The following CFAP77 variants were observed in gnomAD, a reference collection of about 807,000 sequenced individuals.
CFAP77 encodes the protein cilia- and flagella-associated protein 77.
In CFAP77, 25 loss-of-function variants were observed where a neutral mutation model predicts 31.1. That is an observed-to-expected ratio of 0.80 (90% confidence interval 0.59 to 1.12). The LOEUF (loss-of-function observed/expected upper bound fraction) is 1.12, where lower values mean the gene tolerates loss of function less well. Among genes scored for constraint, CFAP77 ranks in the 50% most tolerant of loss-of-function variants. The probability of loss-of-function intolerance (pLI) is 0.00; values close to 1 mark genes in which losing one functional copy is unlikely to be tolerated. For missense variants in CFAP77, 377 were observed against 397.3 expected (o/e 0.95, Z 0.44); for synonymous variants, 151 against 159.9 (o/e 0.94, Z 0.42).
At chr9:132,537,472 T>G (rs1472535445) in intron 3 of CFAP77, 129 bp from the exon 4 acceptor site, 1 of 643,660 alleles carries the variant, frequency 1.6e-6, no homozygotes, top group Non-Finnish European at 2.7e-6. Context: ...GAGAGAGGCT[T>G]TCACAGAGGT....
chr9:132,514,748 T>C (rs1852116351), intron 3 of CFAP77, among the ~76,000 whole-genome samples: 1 of 152,182 alleles, frequency 6.6e-6, no homozygotes, highest in African/African-American at 2.4e-5. Flanking sequence ...TTATGTTGGA[T>C]CCACAAACAA....
chr9:132,502,180 T>A (rs1291078423), intron 3 of CFAP77, among the ~76,000 whole-genome samples: 1 of 150,624 alleles, frequency 6.6e-6, no homozygotes, highest in East Asian at 2.0e-4. Flanking sequence ...TGACATTCCA[T>A]CCCTAGCTTA....
chr9:132,417,118 CTTT>C (rs142153092), intron 1 of CFAP77, among the ~76,000 whole-genome samples: 3 of 139,220 alleles, frequency 2.2e-5, no homozygotes. Context: ...TTCTTTTTTT[CTTT>C]TTTTTTTTTT....
At chr9:132,483,258 C>T (rs2118910846) in intron 1 of CFAP77, among the ~76,000 whole-genome samples, 1 of 151,924 alleles carries the variant, frequency 6.6e-6, no homozygotes, top group Non-Finnish European at 1.5e-5. Flanking sequence ...GCAACAAGAG[C>T]AAAACTCTGT....
chr9:132,462,846 C>T (rs1215499273), intron 1 of CFAP77, among the ~76,000 whole-genome samples: 5 of 152,152 alleles, frequency 3.3e-5, no homozygotes, highest in Admixed American at 2.0e-4. Flanking sequence ...ATAAAGAACA[C>T]GTTTGTATAT....
intron 1 of CFAP77, among the ~76,000 whole-genome samples, chr9:132,450,671 C>T (rs1373534402): frequency 6.6e-6 from 1 of 152,210 alleles, no homozygotes; most frequent in African/African-American, 2.4e-5. Context: ...CGGCACCACA[C>T]TGCCCACCAG....
rs113226727 is a variant in CFAP77, at chr9:132,554,939, CCCATCCATCCATCCAT to C, written c.732+11927_732+11942del. On this transcript the variant is annotated intron_variant, in intron 5 of 5. Coordinates refer to ENST00000393216, the MANE Select transcript of CFAP77 (RefSeq NM_001282957.2). This position sits in a 1 kb window ranked among gnomAD's most constrained non-coding sequence, Gnocchi z 4.1. ...ATGCATGCATGCATCCATCCATCCA[CCCATCCATCCATCCAT>C]CCATCCATCCATCCATCCATCCATC... 0.056 allele frequency among the ~76,000 whole-genome samples: 8,217 copies of C among 146,464 alleles called. 716 individuals are homozygous for C. Among genetic ancestry groups the C allele is most frequent in the African/African-American group, 0.19 (7,434 of 39,262 alleles).
At chr9:132,419,392 G>A (rs1456255425) in intron 1 of CFAP77, among the ~76,000 whole-genome samples, 1 of 152,198 alleles carries the variant, frequency 6.6e-6, no homozygotes, top group East Asian at 1.9e-4. Context: ...CGTCTAAGCT[G>A]TGCCGTGGCG....
At chr9:132,513,466 C>G (rs113701032) in intron 3 of CFAP77, 2 of 1,307,752 alleles carry the variant, frequency 1.5e-6, no homozygotes, top group Non-Finnish European at 2.0e-6. Flanking sequence ...CCTGAGGACC[C>G]TCCCGAGGTT....
chr9:132,529,763 T>C (rs924587699), intron 3 of CFAP77, among the ~76,000 whole-genome samples: 3 of 150,484 alleles, frequency 2.0e-5, no homozygotes, highest in African/African-American at 7.3e-5. Flanking sequence ...GAGGCAGAGG[T>C]TGCAGTGAGC....
intron 5 of CFAP77, among the ~76,000 whole-genome samples, chr9:132,550,321 T>TA (rs1313262024): frequency 2.6e-5 from 4 of 152,234 alleles, no homozygotes; most frequent in African/African-American, 9.6e-5. Flanking sequence ...GGGCATCAGT[T>TA]ACATCTTTCT....
chr9:132,505,956 C>T (rs78305236), intron 3 of CFAP77, among the ~76,000 whole-genome samples: 2,957 of 152,304 alleles, frequency 0.019, 44 homozygotes, highest in Non-Finnish European at 0.032. Flanking sequence ...CGATCTTAAA[C>T]GTGGCAGGCA....
At chr9:132,531,068 A>T (rs1056880431) in intron 3 of CFAP77, among the ~76,000 whole-genome samples, 1 of 151,982 alleles carries the variant, frequency 6.6e-6, no homozygotes, top group Non-Finnish European at 1.5e-5. Context: ...TTGAATTGCA[A>T]TCTCCCTCCA....
intron 5 of CFAP77, among the ~76,000 whole-genome samples, chr9:132,571,769 C>A (rs376997215): frequency 2.6e-5 from 4 of 152,038 alleles, no homozygotes; most frequent in Non-Finnish European, 5.9e-5. Flanking sequence ...CACCAGGAGG[C>A]GAGGCGGGGT....
chr9:132,541,865 G>GCTGT (rs1162546056), intron 4 of CFAP77, among the ~76,000 whole-genome samples: 1 of 152,204 alleles, frequency 6.6e-6, no homozygotes, highest in Non-Finnish European at 1.5e-5. Context: ...TGCCGATTGT[G>GCTGT]CTGTCTGTGT....
At chr9:132,425,590 C>T (rs1023459166) in intron 1 of CFAP77, among the ~76,000 whole-genome samples, 2 of 152,074 alleles carry the variant, frequency 1.3e-5, no homozygotes, top group Non-Finnish European at 2.9e-5. Flanking sequence ...TTTTCCCCCC[C>T]GAAATTGCAG....
chr9:132,547,952 T>C (rs1162843559), intron 5 of CFAP77, among the ~76,000 whole-genome samples: 1 of 152,114 alleles, frequency 6.6e-6, no homozygotes, highest in African/African-American at 2.4e-5. Flanking sequence ...CAGCCACTCA[T>C]GCACAGCCAC....
Position 132,572,648 on chromosome 9 carries a change from GC to G in CFAP77, c.*139del. 1 of 903,866 alleles carries G rather than the reference GC, an allele frequency of 1.1e-6. No individual in the cohort carries two copies. Among genetic ancestry groups the G allele is most frequent in the East Asian group, 2.8e-5 (1 of 35,462 alleles). 56.0% of individuals were successfully genotyped at this position (903,866 alleles called of 1,614,324 possible). Reference sequence around the variant, plus strand: ...CAAGGAGCTCAGATTCAAGTCTTAGGCTAATTGTTTTTGGTAAAAGTCCCCC... The same window carrying G: ...CAAGGAGCTCAGATTCAAGTCTTAGGTAATTGTTTTTGGTAAAAGTCCCCC... On this transcript the variant is annotated 3_prime_UTR_variant, in exon 6 of 6. Coordinates refer to ENST00000393216, the MANE Select transcript of CFAP77 (RefSeq NM_001282957.2).
chr9:132,535,389 G>A (rs986492879), intron 3 of CFAP77, among the ~76,000 whole-genome samples: 3 of 152,096 alleles, frequency 2.0e-5, no homozygotes, highest in African/African-American at 4.8e-5. Flanking sequence ...GATATCTTAC[G>A]CTAGGGATAT....
Sources: allele counts gnomAD v4.1 joint callset (sites outside exome capture counted in the v4.1 genomes callset), GRCh38; gene constraint gnomAD v4.1.1; non-coding constraint Gnocchi (gnomAD v3.1); transcripts MANE v1.5; gene names NCBI Gene and HGNC (gene_info 2026-07-23, HGNC 2026-07-21).